The following BCAS3 variants were observed in gnomAD, a reference collection of about 807,000 sequenced individuals.
BCAS3 encodes BCAS3 microtubule associated cell migration factor.
Under a neutral mutation model 116.1 loss-of-function variants are expected in BCAS3, and 53 were observed. That is an observed-to-expected ratio of 0.46 (90% CI 0.37 to 0.57). The LOEUF (loss-of-function observed/expected upper bound fraction) is 0.57. Ranked by LOEUF, BCAS3 falls within the 20% of genes least tolerant of loss-of-function variation. The pLI, the probability that BCAS3 is intolerant of heterozygous loss-of-function variation, is 0.00. For synonymous variants in BCAS3, 391 were observed against 408.2 expected (o/e 0.96, Z 0.51); for missense variants, 917 against 1,165.4 (o/e 0.79, Z 3.10).
At chr17:61,055,007 A>T (rs2063811526) in intron 19 of BCAS3, among the ~76,000 whole-genome samples, 1 of 152,212 alleles carries the variant, frequency 6.6e-6, no homozygotes, top group African/African-American at 2.4e-5. Context: ...ATCTCACGTA[A>T]GTTTAAGGTT....
At position 61,008,527 on chromosome 17, in the gene BCAS3, T is replaced by C. The variant is rs2064877595; in HGVS notation, c.1487-7224T>C. On this transcript the variant is annotated intron_variant, in intron 15 of 23. Coordinates refer to ENST00000407086, the MANE Select transcript of BCAS3 (RefSeq NM_017679.5). The surrounding 1 kb of genome is among the most constrained non-coding windows in gnomAD (Gnocchi z 4.6). ...GTGACTATTTCAAAACAAGCTACCA[T>C]TGTATTCTTTGACAGAGTCAAGAAG... Among the ~76,000 whole-genome samples the C allele has an allele frequency of 6.6e-6, 1 of 151,564 alleles. No individual in the cohort carries two copies. Among genetic ancestry groups the C allele is most frequent in the African/African-American group, 2.4e-5 (1 of 41,008 alleles).
intron 7 of BCAS3, among the ~76,000 whole-genome samples, chr17:60,809,028 A>G (rs2048540699): frequency 6.6e-6 from 1 of 152,168 alleles, no homozygotes. Flanking sequence ...TCACGCCTGT[A>G]ATCCCAGCAC....
rs542866357 is a variant in BCAS3 at position 61,167,925 on chromosome 17, C to T, written c.2425+83361C>T. ...TGCCTACTTTTCATCGTCTTAGCCA[C>T]CTGTACACATGCCTCAGTGCTAAAA... On this transcript the variant is annotated intron_variant, in intron 22 of 23. Transcript: ENST00000407086. Among the ~76,000 whole-genome samples, 3 of 152,318 alleles carry T rather than the reference C, an allele frequency of 2.0e-5. No individual in the cohort carries two copies. The East Asian group carries it at 5.8e-4, about 29-fold the overall frequency.
chr17:60,889,879 C>G (rs1000202801), intron 10 of BCAS3, 108 bp downstream of exon 10: 11 of 981,908 alleles, frequency 1.1e-5, no homozygotes, highest in Non-Finnish European at 1.7e-5. Context: ...AAATGTTTTA[C>G]TTACTAGTTC....
chr17:60,830,666 CTCCT>C (rs893703909), intron 7 of BCAS3, among the ~76,000 whole-genome samples: 1 of 151,982 alleles, frequency 6.6e-6, no homozygotes, highest in Non-Finnish European at 1.5e-5. Flanking sequence ...TTTAGAAAAA[CTCCT>C]TTTACACAAA....
At chr17:60,703,921 AAAAAAAAG>A (rs1419740429) in intron 4 of BCAS3, among the ~76,000 whole-genome samples, 3 of 151,746 alleles carry the variant, frequency 2.0e-5, no homozygotes, top group South Asian at 2.1e-4. Context: ...CGTCTCAAAA[AAAAAAAAG>A]AAAAAAAGAA....
Position 61,352,016 on chromosome 17 carries a change from A to G in BCAS3, c.2426-16311A>G, listed in dbSNP as rs2057879449. 6.6e-6 allele frequency among the ~76,000 whole-genome samples: 1 copy of G among 152,228 alleles called. No homozygotes were observed. Among genetic ancestry groups the G allele is most frequent in the African/African-American group, 2.4e-5 (1 of 41,448 alleles). On this transcript the variant is annotated intron_variant, in intron 22 of 23. Coordinates refer to ENST00000407086, the MANE Select transcript of BCAS3 (RefSeq NM_017679.5). This position sits in a 1 kb window ranked among gnomAD's most constrained non-coding sequence, Gnocchi z 4.7. ...TTTGTTAGGTATTTCTACAACAAAC[A>G]CTGCTTTTACTTCTTTACCTATTTT...
chr17:61,053,888 T>C (rs1351673325), intron 19 of BCAS3, among the ~76,000 whole-genome samples: 5 of 152,182 alleles, frequency 3.3e-5, no homozygotes, highest in African/African-American at 9.7e-5. Flanking sequence ...TATCCTTCCA[T>C]AGAGAAATGA....
At chr17:61,209,279 A>C (rs1438891554) in intron 22 of BCAS3, among the ~76,000 whole-genome samples, 1 of 152,184 alleles carries the variant, frequency 6.6e-6, no homozygotes, top group Non-Finnish European at 1.5e-5. Flanking sequence ...TTTCAATTTA[A>C]AAAGATTTGT....
At chr17:60,860,253 T>C (rs928196614) in intron 7 of BCAS3, among the ~76,000 whole-genome samples, 14 of 152,212 alleles carry the variant, frequency 9.2e-5, no homozygotes, top group Admixed American at 8.5e-4. Flanking sequence ...TGATTAGTGA[T>C]GTTGAGCATA....
intron 6 of BCAS3, among the ~76,000 whole-genome samples, chr17:60,768,988 C>A (rs572420814): frequency 1.3e-5 from 2 of 152,278 alleles, no homozygotes; most frequent in East Asian, 3.9e-4. Context: ...ACAAGTTAGG[C>A]AGGTCTGTCC....
intron 12 of BCAS3, among the ~76,000 whole-genome samples, chr17:60,911,119 CTTTCTTTTT>C (rs1371159063): frequency 2.8e-5 from 1 of 35,314 alleles, no homozygotes; most frequent in Non-Finnish European, 6.0e-5. Context: ...TTCTTTTTTT[CTTTCTTTTT>C]TTTTTTTTTT....
At chr17:60,754,078 C>T (rs2042758306) in intron 6 of BCAS3, among the ~76,000 whole-genome samples, 1 of 151,856 alleles carries the variant, frequency 6.6e-6, no homozygotes, top group South Asian at 2.1e-4. Context: ...CTCTCTTGCC[C>T]ATGCTGGAGT....
chr17:61,247,891 A>G lies in BCAS3; in HGVS notation c.2426-120436A>G, dbSNP rs78241346. On this transcript the variant is annotated intron_variant, in intron 22 of 23. Coordinates refer to ENST00000407086, the MANE Select transcript of BCAS3 (RefSeq NM_017679.5). ...TCCTCTTGGGTTTGCTTCCCTACCC[A>G]CCCATGTAATTTTCCCAAAGAAAAT... Among the ~76,000 whole-genome samples, 849 of 152,226 alleles carry G rather than the reference A, an allele frequency of 5.6e-3. 6 individuals are homozygous for G. Among genetic ancestry groups the G allele is most frequent in the African/African-American group, 0.02 (816 of 41,524 alleles).
chr17:60,745,263 A>G (rs955996838), intron 5 of BCAS3, among the ~76,000 whole-genome samples: 3 of 151,818 alleles, frequency 2.0e-5, no homozygotes, highest in East Asian at 3.8e-4. Flanking sequence ...ATTTTAAAAT[A>G]TATTTTTTAT....
intron 7 of BCAS3, among the ~76,000 whole-genome samples, chr17:60,829,012 A>G (rs1414719324): frequency 6.6e-6 from 1 of 152,204 alleles, no homozygotes; most frequent in Non-Finnish European, 1.5e-5. Context: ...TCAGCCCTTA[A>G]CAGCAAAGAA....
intron 16 of BCAS3, among the ~76,000 whole-genome samples, chr17:61,018,878 A>G (rs2065678353): frequency 6.6e-6 from 1 of 152,250 alleles, no homozygotes; most frequent in East Asian, 1.9e-4. Flanking sequence ...ATTGTTGTCT[A>G]TAATGATTTT....
intron 7 of BCAS3, chr17:60,810,999 C>A: frequency 1.5e-6 from 1 of 664,994 alleles, no homozygotes; most frequent in Non-Finnish European, 2.8e-6. Flanking sequence ...TTGAAGAGAG[C>A]ACCACAGTGG....
At chr17:61,342,436 G>A (rs980933487) in intron 22 of BCAS3, among the ~76,000 whole-genome samples, 19 of 152,256 alleles carry the variant, frequency 1.2e-4, no homozygotes, top group Non-Finnish European at 2.5e-4. Context: ...ATGAGCCACC[G>A]TGCCCAGCCT....
Sources: allele counts gnomAD v4.1 joint callset (sites outside exome capture counted in the v4.1 genomes callset), GRCh38; gene constraint gnomAD v4.1.1; non-coding constraint Gnocchi (gnomAD v3.1); transcripts MANE v1.5; gene names NCBI Gene and HGNC (gene_info 2026-07-23, HGNC 2026-07-21).